CCDC171: variants seen among roughly 807,000 people sequenced by gnomAD.
CCDC171 encodes coiled-coil domain containing 171.
CCDC171 carries 177 observed loss-of-function variants against 168.2 expected under a neutral mutation model. The ratio of observed to expected loss-of-function variants is 1.05; its 90% CI spans 0.93 to 1.19. The LOEUF (loss-of-function observed/expected upper bound fraction) is 1.19, where lower values mean the gene tolerates loss of function less well. Among genes scored for constraint, CCDC171 ranks in the 50% most tolerant of loss-of-function variants. The pLI, the probability that CCDC171 is intolerant of heterozygous loss-of-function variation, is 0.00. For synonymous variants in CCDC171, 687 were observed against 540.8 expected (o/e 1.27, Z -3.75); for missense variants, 1,991 against 1,539.0 (o/e 1.29, Z -4.91).
At chr9:15,620,327 A>G (rs1446276975) in intron 6 of CCDC171, among the ~76,000 whole-genome samples, 2 of 152,174 alleles carry the variant, frequency 1.3e-5, no homozygotes, top group East Asian at 3.8e-4. Context: ...TTTGTGATTC[A>G]TGTGAGGAGG....
intron 18 of CCDC171, among the ~76,000 whole-genome samples, chr9:15,765,702 A>G (rs56754898): frequency 0.027 from 4,181 of 152,310 alleles, 186 homozygotes; most frequent in African/African-American, 0.096. Flanking sequence ...GATTAAGTTC[A>G]TCAGATGATC....
chr9:15,708,950 A>G (rs1292581215), intron 11 of CCDC171, among the ~76,000 whole-genome samples: 2 of 152,178 alleles, frequency 1.3e-5, no homozygotes, highest in African/African-American at 4.8e-5. Context: ...AAATATTGTT[A>G]GGGTTTTACT....
At position 15,834,152 on chromosome 9, in the gene CCDC171, G is replaced by C. The variant is rs117316570; in HGVS notation, c.3268-12550G>C. 3.6e-3 allele frequency among the ~76,000 whole-genome samples: 543 copies of C among 152,110 alleles called. 18 individuals are homozygous for C. In the East Asian group the frequency reaches 0.07, roughly 20 times the overall value. ...TCACTTTTTGATCATGATTATTTTAGTTCTCATTAATCTGAGACTCAGCAA... is the reference window on the plus strand; with the variant it reads ...TCACTTTTTGATCATGATTATTTTACTTCTCATTAATCTGAGACTCAGCAA... On this transcript the variant is annotated intron_variant, in intron 21 of 25. Transcript: ENST00000380701.
chr9:15,737,357 A>T (rs1030054264), intron 16 of CCDC171, among the ~76,000 whole-genome samples: 8 of 152,204 alleles, frequency 5.3e-5, no homozygotes, highest in Non-Finnish European at 8.8e-5. Flanking sequence ...TAGTTGCCAA[A>T]AGAATGCTAT....
At chr9:15,583,937 G>T (rs1046125671) in intron 4 of CCDC171, among the ~76,000 whole-genome samples, 67 of 151,912 alleles carry the variant, frequency 4.4e-4, no homozygotes, top group African/African-American at 1.5e-3. Context: ...GTGCGATCTC[G>T]GCTCACTGCA....
intron 1 of CCDC171, among the ~76,000 whole-genome samples, chr9:15,561,976 G>A (rs1362340814): frequency 6.6e-6 from 1 of 151,950 alleles, no homozygotes; most frequent in Admixed American, 6.6e-5. Context: ...TCTTCCATGG[G>A]CAGTTCACAG....
intron 23 of CCDC171, among the ~76,000 whole-genome samples, chr9:15,868,136 C>T (rs2061869353): frequency 1.3e-5 from 2 of 151,824 alleles, no homozygotes; most frequent in Admixed American, 1.3e-4. Context: ...GTGGATTTTG[C>T]CCTCTTTTCT....
intron 23 of CCDC171, among the ~76,000 whole-genome samples, chr9:15,867,504 C>A (rs546159853): frequency 6.6e-6 from 1 of 152,040 alleles, no homozygotes; most frequent in East Asian, 1.9e-4. Context: ...GATCTTGGTT[C>A]CTGAAGATCA....
intron 20 of CCDC171, among the ~76,000 whole-genome samples, chr9:15,780,695 A>G (rs2057619203): frequency 6.6e-6 from 1 of 152,152 alleles, no homozygotes; most frequent in Admixed American, 6.5e-5. Context: ...TTGTATGTAT[A>G]GTTTGCAGCC....
the CCDC171 span, among the ~76,000 whole-genome samples, chr9:16,083,172 T>G: frequency 3.9e-5 from 6 of 152,244 alleles, no homozygotes; most frequent in African/African-American, 1.4e-4. Flanking sequence ...TTTTTAGTAA[T>G]GGGTCCTATG....
chr9:15,878,062 A>C (rs1306745620), intron 24 of CCDC171, among the ~76,000 whole-genome samples: 1 of 152,180 alleles, frequency 6.6e-6, no homozygotes, highest in East Asian at 1.9e-4. Context: ...TTCTGGACAT[A>C]GGAACCAGCA....
At chr9:15,657,424 C>G (rs1353423195) in intron 8 of CCDC171, among the ~76,000 whole-genome samples, 9 of 152,104 alleles carry the variant, frequency 5.9e-5, no homozygotes, top group Non-Finnish European at 1.3e-4. Context: ...GCCTACAGGC[C>G]AGGTCTCACC....
chr9:15,853,623 G>T (rs72708838), intron 23 of CCDC171, among the ~76,000 whole-genome samples: 129 of 151,678 alleles, frequency 8.5e-4, no homozygotes, highest in Non-Finnish European at 5.5e-4. Context: ...AGAACATCCA[G>T]TATGGTGTTG....
intron 25 of CCDC171, among the ~76,000 whole-genome samples, chr9:15,930,270 A>G (rs181408623): frequency 1.3e-5 from 2 of 151,708 alleles, no homozygotes; most frequent in Non-Finnish European, 3.0e-5. Flanking sequence ...ATTTCCATCA[A>G]ACTGTTTTAT....
intron 10 of CCDC171, among the ~76,000 whole-genome samples, chr9:15,693,736 T>A (rs544084077): frequency 7.2e-5 from 11 of 152,206 alleles, no homozygotes; most frequent in Non-Finnish European, 1.3e-4. Flanking sequence ...TTCTTCCATT[T>A]TTTCTGTATC....
At chr9:15,763,319 A>G (rs758526133) in intron 18 of CCDC171, among the ~76,000 whole-genome samples, 2 of 152,194 alleles carry the variant, frequency 1.3e-5, no homozygotes, top group South Asian at 2.1e-4. Context: ...GCTTCATTAT[A>G]TAAGCATGAT....
At chr9:15,590,216 T>C (rs1295537354) in intron 4 of CCDC171, among the ~76,000 whole-genome samples, 3 of 152,300 alleles carry the variant, frequency 2.0e-5, no homozygotes, top group Admixed American at 1.3e-4. Context: ...AGGGGGACTT[T>C]TAATGTATTT....
In CCDC171 at chr9:15,582,659, A is replaced by G. The variant is rs564850346; in HGVS notation, c.352+3636A>G. Among the ~76,000 whole-genome samples, 6 of 152,262 alleles carry G rather than the reference A, an allele frequency of 3.9e-5. No homozygotes were observed. The East Asian group carries it at 1.2e-3, about 29-fold the overall frequency. On this transcript the variant is annotated intron_variant, in intron 4 of 25. Transcript: ENST00000380701. The stretch of plus-strand genomic sequence containing the variant: ...GACATGCATGAAGCTGGAAACCATC[A>G]TTCTCCACAAACTAACACAAGAACA...
chr9:15,735,302 G>C (rs2054420816), intron 16 of CCDC171, among the ~76,000 whole-genome samples: 1 of 152,156 alleles, frequency 6.6e-6, no homozygotes, highest in Non-Finnish European at 1.5e-5. Flanking sequence ...GCCTACTAAA[G>C]TATCTGGGCC....
Sources: gnomAD v4.1 joint callset for allele counts (sites outside exome capture counted in the v4.1 genomes callset) on GRCh38, gnomAD v4.1.1 for gene constraint, MANE v1.5 for transcripts, NCBI Gene and HGNC (gene_info 2026-07-23, HGNC 2026-07-21) for gene names.